Variants in PDE7B observed in about 807,000 individuals in gnomAD.
PDE7B encodes 3',5'-cyclic-AMP phosphodiesterase 7B.
A neutral mutation model predicts 56.2 loss-of-function variants in PDE7B; 29 were observed. That is an observed-to-expected ratio of 0.52 (90% CI 0.38 to 0.70). PDE7B has a LOEUF of 0.70. PDE7B is among the 30% of genes least tolerant of loss of function. PDE7B has a pLI of 0.00. For synonymous variants in PDE7B, 197 were observed against 196.9 expected (o/e 1.00, Z 0.00); for missense variants, 490 against 565.0 (o/e 0.87, Z 1.35).
At chr6:135,969,139 A>C (rs1775049804) in intron 2 of PDE7B, among the ~76,000 whole-genome samples, 1 of 151,932 alleles carries the variant, frequency 6.6e-6, no homozygotes, top group Non-Finnish European at 1.5e-5. Context: ...CCTGTGGTGG[A>C]TGGTGTGGAG....
intron 2 of PDE7B, among the ~76,000 whole-genome samples, chr6:136,080,357 C>G (rs1022097047): frequency 5.3e-4 from 81 of 152,196 alleles, no homozygotes; most frequent in African/African-American, 1.8e-3. Context: ...CAAACATTCT[C>G]ACAATTTCTT....
chr6:135,945,247 G>A (rs1774575756), intron 1 of PDE7B, among the ~76,000 whole-genome samples: 1 of 152,086 alleles, frequency 6.6e-6, no homozygotes, highest in African/African-American at 2.4e-5. Flanking sequence ...GGCATACATT[G>A]GCATCCCCAT....
At chr6:136,073,795 G>A (rs941571893) in intron 2 of PDE7B, among the ~76,000 whole-genome samples, 5 of 152,220 alleles carry the variant, frequency 3.3e-5, no homozygotes, top group African/African-American at 1.2e-4. Flanking sequence ...ACATGTATCA[G>A]AGTATAAGTG....
At chr6:135,862,778 G>T (rs1409619311) in intron 1 of PDE7B, among the ~76,000 whole-genome samples, 1 of 151,606 alleles carries the variant, frequency 6.6e-6, no homozygotes, top group Non-Finnish European at 1.5e-5. Context: ...TTATTTTTCA[G>T]TGTTTCTTCT....
At chr6:136,122,475 C>T (rs1229333993) in intron 3 of PDE7B, among the ~76,000 whole-genome samples, 4 of 152,138 alleles carry the variant, frequency 2.6e-5, no homozygotes, top group Non-Finnish European at 5.9e-5. Context: ...CTCTTCAATC[C>T]CCTAACCCAA....
chr6:135,857,700 C>A (rs918015535), intron 1 of PDE7B, among the ~76,000 whole-genome samples: 4 of 151,798 alleles, frequency 2.6e-5, no homozygotes, highest in Non-Finnish European at 5.9e-5. Context: ...AACTTGAGCC[C>A]AATAATAGGT....
chr6:136,177,289 C>A (rs1017029198), intron 9 of PDE7B, among the ~76,000 whole-genome samples: 10 of 151,860 alleles, frequency 6.6e-5, no homozygotes, highest in South Asian at 4.2e-4. Context: ...ATAGTGAAAC[C>A]CCCATCTCTA....
intron 2 of PDE7B, among the ~76,000 whole-genome samples, chr6:135,975,226 C>G (rs113391092): frequency 0.014 from 2,055 of 151,064 alleles, 56 homozygotes; most frequent in African/African-American, 0.046. Context: ...ATGTTGGCAA[C>G]TAATACAGAT....
At chr6:136,067,833 C>A (rs1010986323) in intron 2 of PDE7B, among the ~76,000 whole-genome samples, 2 of 152,166 alleles carry the variant, frequency 1.3e-5, no homozygotes, top group Non-Finnish European at 2.9e-5. Context: ...CGCCAAATTG[C>A]AAGCATTCCT....
intron 2 of PDE7B, among the ~76,000 whole-genome samples, chr6:135,974,172 G>A (rs1335168790): frequency 6.6e-6 from 1 of 152,064 alleles, no homozygotes; most frequent in Non-Finnish European, 1.5e-5. Flanking sequence ...ACATAGACTG[G>A]ACACTGTTAT....
chr6:135,974,330 G>A (rs200792608), intron 2 of PDE7B, among the ~76,000 whole-genome samples: 7 of 150,688 alleles, frequency 4.6e-5, no homozygotes, highest in East Asian at 1.9e-4. Context: ...ATGTGTGTGT[G>A]TATATATATA....
intron 1 of PDE7B, among the ~76,000 whole-genome samples, chr6:135,941,464 T>C (rs1774505883): frequency 6.6e-6 from 1 of 152,216 alleles, no homozygotes; most frequent in Non-Finnish European, 1.5e-5. Flanking sequence ...ACTGCCACAG[T>C]GCTGTGTTCT....
intron 3 of PDE7B, among the ~76,000 whole-genome samples, chr6:136,134,018 GAATA>G (rs1271232604): frequency 6.6e-6 from 1 of 152,112 alleles, no homozygotes; most frequent in African/African-American, 2.4e-5. Flanking sequence ...ACGAATGTCA[GAATA>G]AATAATATAA....
intron 12 of PDE7B, among the ~76,000 whole-genome samples, chr6:136,189,666 C>T (rs1416133103): frequency 2.0e-5 from 3 of 152,064 alleles, no homozygotes; most frequent in Non-Finnish European, 2.9e-5. Context: ...AGAGGTTTTC[C>T]TTCAATCCTT....
intron 11 of PDE7B, among the ~76,000 whole-genome samples, 196 bp downstream of exon 11, chr6:136,181,519 G>A (rs549636069): frequency 2.0e-5 from 3 of 152,220 alleles, no homozygotes; most frequent in South Asian, 2.1e-4. Flanking sequence ...TAACATTGAC[G>A]TATTGACTTA....
intron 2 of PDE7B, among the ~76,000 whole-genome samples, chr6:136,052,617 G>GCCCCCCCCCCCCCCCCCC (rs11400308): frequency 2.1e-5 from 3 of 142,790 alleles, no homozygotes; most frequent in African/African-American, 8.0e-5. Flanking sequence ...TTAGGGTACA[G>GCCCCCCCCCCCCCCCCCC]CCCCCCCCCA....
At chr6:135,936,086 G>T (rs898745500) in intron 1 of PDE7B, among the ~76,000 whole-genome samples, 1 of 152,192 alleles carries the variant, frequency 6.6e-6, no homozygotes, top group Non-Finnish European at 1.5e-5. Flanking sequence ...CTAGCAGTGA[G>T]GTTATTTAAT....
At chr6:136,174,470 G>A (rs1168006301) in intron 9 of PDE7B, among the ~76,000 whole-genome samples, 44 of 152,236 alleles carry the variant, frequency 2.9e-4, no homozygotes, top group Admixed American at 2.7e-3. Context: ...GATAGCCATG[G>A]TATGTAGGCT....
intron 2 of PDE7B, among the ~76,000 whole-genome samples, chr6:136,066,145 C>T (rs1357306914): frequency 6.6e-6 from 1 of 152,190 alleles, no homozygotes; most frequent in Non-Finnish European, 1.5e-5. Context: ...ACTCTTCTAC[C>T]TGCGAGGCAA....
Sources: gnomAD v4.1 joint callset for allele counts (sites outside exome capture counted in the v4.1 genomes callset) on GRCh38, gnomAD v4.1.1 for gene constraint, MANE v1.5 for transcripts, NCBI Gene and HGNC (gene_info 2026-07-23, HGNC 2026-07-21) for gene names.